Variants in STAM2 observed in about 807,000 individuals in gnomAD.
STAM2 encodes signal transducing adaptor molecule 2.
Under a neutral mutation model 65.6 loss-of-function variants are expected in STAM2, and 51 were observed. The observed-to-expected ratio is 0.78, with a 90% CI of 0.62 to 0.98. STAM2 has a LOEUF of 0.98. STAM2 is among the 50% of genes least tolerant of loss of function. STAM2 has a pLI of 0.00. For synonymous variants in STAM2, 198 were observed against 208.4 expected (o/e 0.95, Z 0.43); for missense variants, 584 against 617.8 (o/e 0.95, Z 0.58).
chr2:152,145,847 C>T (rs1442815783), intron 5 of STAM2, among the ~76,000 whole-genome samples: 5 of 152,308 alleles, frequency 3.3e-5, no homozygotes, highest in Non-Finnish European at 4.4e-5. Context: ...ATCCATCAAC[C>T]GGTTCTTTAC....
intron 13 of STAM2, among the ~76,000 whole-genome samples, chr2:152,121,660 T>C (rs909119923): frequency 1.3e-5 from 2 of 152,192 alleles, no homozygotes; most frequent in South Asian, 2.1e-4. Context: ...AGTTTCTTTA[T>C]TGACACTTCA....
At position 152,175,632 on chromosome 2, in the gene STAM2, A is replaced by C; in HGVS notation, c.11T>G (p.Phe4Cys). Residue 4 changes from phenylalanine (F) to cysteine (C), a missense_variant, in exon 1 of 14, where the codon TTC becomes TGC. Coordinates refer to ENST00000263904, the MANE Select transcript of STAM2 (RefSeq NM_005843.6). Reference protein sequence around the residue: MPLFTANPFEQDVE... With the variant: MPLCTANPFEQDVE... ...GTCTTGCTCGAAGGGGTTGGCGGTG[A>C]ACAAAGGCATCTCGCCGGCGCCCGA... 1 of 1,613,796 alleles carries C rather than the reference A, an allele frequency of 6.2e-7. No individual in the cohort carries two copies. Among genetic ancestry groups the C allele is most frequent in the African/African-American group, 1.3e-5 (1 of 75,028 alleles).
intron 7 of STAM2, among the ~76,000 whole-genome samples, chr2:152,136,235 G>C (rs956432323): frequency 1.3e-5 from 2 of 151,994 alleles, no homozygotes; most frequent in Non-Finnish European, 1.5e-5. Flanking sequence ...CTGAGGTCAG[G>C]AGTTCGAGAC....
rs1034567044 is a variant in STAM2 at position 152,119,362 on chromosome 2, C to T, written c.*1212G>A. The T allele has an allele frequency of 6.6e-6, 1 of 152,116 alleles. No homozygotes were observed. Among genetic ancestry groups the T allele is most frequent in the Non-Finnish European group, 1.5e-5 (1 of 68,006 alleles). 9.4% of individuals were successfully genotyped at this position (152,116 alleles called of 1,614,324 possible). On this transcript the variant is annotated 3_prime_UTR_variant, in exon 14 of 14. Transcript: ENST00000263904. Reference sequence around the variant, plus strand: ...TCAGAAAAACTGCTTCAATAGCCTCCCTATCAATCTGTCGCCTTCTATGAA... The same window carrying T: ...TCAGAAAAACTGCTTCAATAGCCTCTCTATCAATCTGTCGCCTTCTATGAA...
intron 11 of STAM2, among the ~76,000 whole-genome samples, chr2:152,129,033 A>G (rs533979260): frequency 1.3e-5 from 2 of 152,394 alleles, no homozygotes; most frequent in Non-Finnish European, 2.9e-5. Context: ...AGCTGTGGCC[A>G]TAGAACAAGA....
Position 152,120,717 on chromosome 2 carries a change from G to T in STAM2, c.1435C>A (p.Gln479Lys). Residue 479 changes from glutamine to lysine, a missense_variant, in exon 14 of 14, where the codon CAG (glutamine) becomes AAG (lysine). Gln to Lys is a moderately conservative substitution (Grantham distance 53). Coordinates refer to ENST00000263904, the MANE Select transcript of STAM2 (RefSeq NM_005843.6). ...QSATGTTAYTQQMGMSVDMSS... is the reference protein window; with the variant it reads ...QSATGTTAYTKQMGMSVDMSS... ...ATATCCACAGACATCCCCATTTGCT[G>T]TGTGTAAGCAGTTGTACCAGTAGCT... 6.2e-7 allele frequency: 1 copy of T among 1,614,154 alleles called. No homozygotes were observed. Among genetic ancestry groups the T allele is most frequent in the South Asian group, 1.1e-5 (1 of 91,086 alleles).
At position 152,131,897 on chromosome 2, in the gene STAM2, T is replaced by G. The variant is rs534509740; in HGVS notation, c.1025+217A>C. 8.2e-5 allele frequency: 43 copies of G among 522,570 alleles called. No homozygotes were observed. In the East Asian group the frequency reaches 1.4e-3, roughly 17 times the overall value. The allele number at this position is 522,570 out of a possible 1,614,324, so 32.4% of individuals were successfully genotyped here. ...TGGTTAAAAGTAAGCCATGCAAAATTTTTATTTAATAAAACTTGTCAGAGC... is the reference window on the plus strand; with the variant it reads ...TGGTTAAAAGTAAGCCATGCAAAATGTTTATTTAATAAAACTTGTCAGAGC... On this transcript the variant is annotated intron_variant, in intron 11 of 13. Transcript: ENST00000263904.
chr2:152,122,786 C>T (rs1688881002), intron 13 of STAM2, among the ~76,000 whole-genome samples: 1 of 152,056 alleles, frequency 6.6e-6, no homozygotes, highest in Non-Finnish European at 1.5e-5. Flanking sequence ...AACTATAGGG[C>T]TGGGTGCAGT....
chr2:152,149,381 A>C (rs973313081), intron 2 of STAM2, among the ~76,000 whole-genome samples: 1 of 152,196 alleles, frequency 6.6e-6, no homozygotes, highest in African/African-American at 2.4e-5. Context: ...ATGTCCCAAA[A>C]GTAAAACAAC....
intron 1 of STAM2, among the ~76,000 whole-genome samples, chr2:152,154,690 C>T (rs1323432450): frequency 6.6e-6 from 1 of 152,190 alleles, no homozygotes; most frequent in African/African-American, 2.4e-5. Context: ...AAGGAAACCA[C>T]AGGGGTAGAG....
intron 1 of STAM2, among the ~76,000 whole-genome samples, chr2:152,160,893 C>A (rs1356925030): frequency 6.6e-6 from 1 of 151,562 alleles, no homozygotes; most frequent in Admixed American, 6.6e-5. Context: ...AGCCCCCCGC[C>A]TGGCCAGCCG....
At chr2:152,158,483 A>C (rs113262418) in intron 1 of STAM2, among the ~76,000 whole-genome samples, 1 of 152,162 alleles carries the variant, frequency 6.6e-6, no homozygotes, top group African/African-American at 2.4e-5. Flanking sequence ...CTCAAAAAAA[A>C]AATAATAATA....
At chr2:152,170,752 T>G (rs1327797568) in intron 1 of STAM2, among the ~76,000 whole-genome samples, 1 of 152,180 alleles carries the variant, frequency 6.6e-6, no homozygotes, top group African/African-American at 2.4e-5. Flanking sequence ...TCCCAGCACT[T>G]TGGGAGGCCA....
chr2:152,175,721 C>G lies in STAM2; in HGVS notation c.-79G>C. On this transcript the variant is annotated 5_prime_UTR_variant, in exon 1 of 14. Transcript: ENST00000263904. ...CTACCCGCCGGGTGACCCGCGGCCG[C>G]GGCTCCCTAGACCGCTCCGCTTCGG... is the stretch of plus-strand genomic sequence containing the variant. 1 of 1,505,678 alleles carries G rather than the reference C, an allele frequency of 6.6e-7. No individual in the cohort carries two copies. The highest frequency in any genetic ancestry group is 9.0e-7 in the Non-Finnish European group (1 of 1,107,192). The allele number at this position is 1,505,678 out of a possible 1,614,324, so 93.3% of individuals were successfully genotyped here.
In STAM2 at chr2:152,118,950, ATAGAC is replaced by A. The variant is rs1467004700; in HGVS notation, c.*1619_*1623del. 1.3e-5 allele frequency: 2 copies of A among 152,292 alleles called. No homozygotes were observed. Among genetic ancestry groups the A allele is most frequent in the African/African-American group, 4.8e-5 (2 of 41,576 alleles). The allele number at this position is 152,292 out of a possible 1,614,324, so 9.4% of individuals were successfully genotyped here. On this transcript the variant is annotated 3_prime_UTR_variant, in exon 14 of 14. Transcript: ENST00000263904. ...CACTTAAATGTAGATCAAGTACCAT[ATAGAC>A]TATTTTGTTCTAGAATAAAGTTTCT... is the stretch of plus-strand genomic sequence containing the variant.
At chr2:152,127,789 CTCTT>C (rs1190995774) in intron 11 of STAM2, among the ~76,000 whole-genome samples, 3 of 152,210 alleles carry the variant, frequency 2.0e-5, no homozygotes, top group African/African-American at 7.2e-5. Flanking sequence ...TCAGAGCAAA[CTCTT>C]TCTACTTGAT....
At chr2:152,140,097 G>A (rs1245791088) in intron 7 of STAM2, among the ~76,000 whole-genome samples, 2 of 152,158 alleles carry the variant, frequency 1.3e-5, no homozygotes, top group East Asian at 1.9e-4. Context: ...AATACAGTAT[G>A]AGAAATGCTG....
Position 152,120,751 on chromosome 2 carries a change from G to A in STAM2, c.1401C>T (p.Asn467=), listed in dbSNP as rs189330735. The A allele has an allele frequency of 3.7e-5, 60 of 1,614,184 alleles. No homozygotes were observed. The East Asian group carries it at 6.5e-4, about 17-fold the overall frequency. ...CAGTTGTACCAGTAGCTGACTGTAG[G>A]TTAGAGTTCTGGTTCATATAAGTAG... is the stretch of plus-strand genomic sequence containing the variant. ...SNPTYMNQNS[N]LQSATGTTAY... Residue 467 remains asparagine, a synonymous_variant, in exon 14 of 14, where the codon AAC becomes AAT. Transcript: ENST00000263904.
rs2105523352 is a variant in STAM2, at chr2:152,118,961, T to C, written c.*1613A>G. 1 of 152,280 alleles carries C rather than the reference T, an allele frequency of 6.6e-6. No individual in the cohort carries two copies. Among genetic ancestry groups the C allele is most frequent in the Non-Finnish European group, 1.5e-5 (1 of 67,980 alleles). The allele number at this position is 152,280 out of a possible 1,614,324, so 9.4% of individuals were successfully genotyped here. On this transcript the variant is annotated 3_prime_UTR_variant, in exon 14 of 14. Transcript: ENST00000263904. Reference sequence around the variant, plus strand: ...AGATCAAGTACCATATAGACTATTTTGTTCTAGAATAAAGTTTCTTTGAAA... The same window carrying C: ...AGATCAAGTACCATATAGACTATTTCGTTCTAGAATAAAGTTTCTTTGAAA...
Sources: allele counts gnomAD v4.1 joint callset (sites outside exome capture counted in the v4.1 genomes callset), GRCh38; gene constraint gnomAD v4.1.1; transcripts MANE v1.5; gene names NCBI Gene and HGNC (gene_info 2026-07-23, HGNC 2026-07-21).